The following GALNT2 variants were observed in gnomAD, a reference collection of about 807,000 sequenced individuals.
GALNT2 encodes polypeptide N-acetylgalactosaminyltransferase 2.
A neutral mutation model predicts 81.4 loss-of-function variants in GALNT2; 31 were observed. The observed-to-expected ratio is 0.38, with a 90% CI of 0.29 to 0.51. GALNT2 has a LOEUF of 0.51. Ranked by LOEUF, GALNT2 falls within the 20% of genes least tolerant of loss-of-function variation. GALNT2 has a pLI of 0.87. For synonymous variants in GALNT2, 303 were observed against 287.4 expected, an observed-to-expected ratio of 1.05 and a Z score of -0.55; for missense variants, 629 against 765.7, an observed-to-expected ratio of 0.82 and a Z score of 2.11.
At chr1:230,124,539 G>A (rs534764346) in intron 1 of GALNT2, among the ~76,000 whole-genome samples, 2 of 152,334 alleles carry the variant, frequency 1.3e-5, no homozygotes, top group African/African-American at 2.4e-5. Flanking sequence ...TAACTATGGT[G>A]GGGCCTAATG....
chr1:230,263,211 T>A, intron 13 of GALNT2: 1 of 567,200 alleles, frequency 1.8e-6, no homozygotes, highest in Non-Finnish European at 3.1e-6. Context: ...CCTGCAGAGC[T>A]GCCCTCCCAT....
At chr1:230,273,855 G>A (rs114565368) in intron 14 of GALNT2, among the ~76,000 whole-genome samples, 3 of 152,190 alleles carry the variant, frequency 2.0e-5, no homozygotes, top group Admixed American at 6.5e-5. Context: ...TGTATTCAAA[G>A]AAATTCATAG....
At chr1:230,249,131 G>T in intron 8 of GALNT2, 53 bp from the exon 9 acceptor site, 2 of 1,490,234 alleles carry the variant, frequency 1.3e-6, no homozygotes, top group Non-Finnish European at 1.9e-6. Flanking sequence ...GGGGGTGTCG[G>T]GAGGAAGTGG....
intron 11 of GALNT2, 64 bp from the exon 12 acceptor site, chr1:230,262,509 T>G (rs1665908059): frequency 7.1e-7 from 1 of 1,404,180 alleles, no homozygotes; most frequent in African/African-American, 1.4e-5. Context: ...AGCAGACAGG[T>G]GCAAATGGAG....
At chr1:230,135,458 T>C (rs993522883) in intron 1 of GALNT2, among the ~76,000 whole-genome samples, 1 of 152,230 alleles carries the variant, frequency 6.6e-6, no homozygotes, top group Non-Finnish European at 1.5e-5. Flanking sequence ...TCTGAGGTGC[T>C]TTTTACTTTT....
intron 11 of GALNT2, chr1:230,258,949 C>G (rs1247000053): frequency 6.6e-6 from 1 of 152,178 alleles, no homozygotes; most frequent in Non-Finnish European, 1.5e-5. Context: ...AATTGTATTT[C>G]ACAGCCCAGG....
chr1:230,072,088 T>A (rs1051113723), intron 1 of GALNT2, among the ~76,000 whole-genome samples: 1 of 152,018 alleles, frequency 6.6e-6, no homozygotes. Flanking sequence ...CCACCCTAGC[T>A]CCTGTTTGGA....
At chr1:230,074,304 G>C (rs987723865) in intron 1 of GALNT2, among the ~76,000 whole-genome samples, 7 of 152,104 alleles carry the variant, frequency 4.6e-5, no homozygotes, top group African/African-American at 1.4e-4. Context: ...TGTTGCCCAG[G>C]CTGGGCTCAA....
At position 230,243,423 on chromosome 1, in the gene GALNT2, C is replaced by T. The variant is rs201212164; in HGVS notation, c.725C>T (p.Ala242Val). Reference protein sequence around the residue: ...HWLEPLLERVAEDRTRVVSPI... With the variant: ...HWLEPLLERVVEDRTRVVSPI... Reference sequence around the variant, plus strand: ...CTGGAGCCCCTCCTGGAAAGGGTGGCGGAGGTGAGATGACGGGGGCTGGGA... The same window carrying T: ...CTGGAGCCCCTCCTGGAAAGGGTGGTGGAGGTGAGATGACGGGGGCTGGGA... The change falls in exon 7 of 16, where the codon GCG becomes GTG. Residue 242 changes from alanine to valine, a missense_variant. Transcript: ENST00000366672. This position sits in a 1 kb window ranked among gnomAD's most constrained non-coding sequence, Gnocchi z 4.2. 37 of 1,610,644 alleles carry T rather than the reference C, an allele frequency of 2.3e-5. No homozygotes were observed. The highest frequency in any genetic ancestry group is 1.8e-4 in the South Asian group (16 of 90,866).
intron 1 of GALNT2, among the ~76,000 whole-genome samples, chr1:230,142,805 G>A (rs541857921): frequency 3.9e-5 from 6 of 152,272 alleles, no homozygotes; most frequent in South Asian, 4.1e-4. Context: ...TGGGGCCTGC[G>A]TGGGAAGGCT....
chr1:230,097,010 G>T (rs1203906882), intron 1 of GALNT2, among the ~76,000 whole-genome samples: 2 of 152,132 alleles, frequency 1.3e-5, no homozygotes, highest in African/African-American at 4.8e-5. Flanking sequence ...CTAAGTTACT[G>T]TCCAAAGCTA....
intron 3 of GALNT2, among the ~76,000 whole-genome samples, chr1:230,224,311 G>T (rs1381986003): frequency 6.6e-6 from 1 of 152,196 alleles, no homozygotes; most frequent in Non-Finnish European, 1.5e-5. Flanking sequence ...GGCATCGGGA[G>T]GAATGAAAGT....
intron 2 of GALNT2, among the ~76,000 whole-genome samples, chr1:230,196,208 C>G (rs912998291): frequency 1.3e-5 from 2 of 152,228 alleles, no homozygotes; most frequent in African/African-American, 4.8e-5. Flanking sequence ...TGGGTCTCTT[C>G]TGTCTCTGGG....
intron 10 of GALNT2, 68 bp downstream of exon 10, chr1:230,250,628 G>A: frequency 2.4e-6 from 3 of 1,242,056 alleles, no homozygotes; most frequent in Non-Finnish European, 2.3e-6. Flanking sequence ...GGTGCCAATT[G>A]GAAAAAAAAT....
chr1:230,133,112 T>A (rs1165627275), intron 1 of GALNT2, among the ~76,000 whole-genome samples: 1 of 152,262 alleles, frequency 6.6e-6, no homozygotes, highest in Non-Finnish European at 1.5e-5. Context: ...TTTTACATGA[T>A]CTAAAAAGCT....
At chr1:230,081,675 G>A (rs936644364) in intron 1 of GALNT2, among the ~76,000 whole-genome samples, 4 of 152,212 alleles carry the variant, frequency 2.6e-5, no homozygotes, top group Non-Finnish European at 4.4e-5. Flanking sequence ...AAGTGCTCAC[G>A]TGGCTTTGCT....
intron 1 of GALNT2, among the ~76,000 whole-genome samples, chr1:230,094,033 G>A (rs1428430997): frequency 3.3e-5 from 5 of 151,986 alleles, no homozygotes; most frequent in African/African-American, 9.7e-5. Flanking sequence ...ATAGGGTCTC[G>A]CTCTGTTGCC....
rs200483633 is a variant in GALNT2, at chr1:230,249,180, G to T, written c.818-4G>T. ...AACACCCTGTTTCTTTTCCTGGCTGGCAGGTTTTGATTGGAACTTGGTATT... is the reference window on the plus strand; with the variant it reads ...AACACCCTGTTTCTTTTCCTGGCTGTCAGGTTTTGATTGGAACTTGGTATT... On this transcript the variant is annotated splice_polypyrimidine_tract_variant and splice_region_variant and intron_variant, in intron 8 of 15. Coordinates refer to ENST00000366672, the MANE Select transcript of GALNT2 (RefSeq NM_004481.5). 1.9e-6 allele frequency: 3 copies of T among 1,613,928 alleles called. No individual in the cohort carries two copies. In the Admixed American group the frequency reaches 5.0e-5, roughly 27 times the overall value.
intron 7 of GALNT2, among the ~76,000 whole-genome samples, chr1:230,245,733 C>G (rs912653807): frequency 7.9e-5 from 12 of 152,214 alleles, no homozygotes; most frequent in Non-Finnish European, 1.8e-4. Flanking sequence ...CCTTGGGACA[C>G]AGCAACACAG....
Sources: gnomAD v4.1 joint callset for allele counts (sites outside exome capture counted in the v4.1 genomes callset) on GRCh38, gnomAD v4.1.1 for gene constraint, Gnocchi (gnomAD v3.1) non-coding constraint, MANE v1.5 for transcripts, NCBI Gene and HGNC (gene_info 2026-07-23, HGNC 2026-07-21) for gene names.